The following KPNA1 variants were observed in gnomAD, a reference collection of about 807,000 sequenced individuals.
KPNA1 encodes karyopherin subunit alpha 1.
KPNA1 carries 10 observed loss-of-function variants against 70.5 expected under a neutral mutation model. The ratio of observed to expected loss-of-function variants is 0.14; its 90% CI spans 0.09 to 0.24. KPNA1 has a LOEUF of 0.24. Among genes scored for constraint, KPNA1 ranks in the 10% least tolerant of loss-of-function variants. The pLI is 1.00. For synonymous variants in KPNA1, 192 were observed against 221.9 expected, an observed-to-expected ratio of 0.87 and a Z score of 1.20; for missense variants, 397 against 637.9, an observed-to-expected ratio of 0.62 and a Z score of 4.07.
At chr3:122,474,334 G>A (rs2076474809) in intron 2 of KPNA1, among the ~76,000 whole-genome samples, 1 of 152,088 alleles carries the variant, frequency 6.6e-6, no homozygotes, top group African/African-American at 2.4e-5. Context: ...CTATCACCAA[G>A]ATGATTCTAA....
chr3:122,436,110 T>C (rs1172542819), intron 11 of KPNA1, among the ~76,000 whole-genome samples: 1 of 152,180 alleles, frequency 6.6e-6, no homozygotes, highest in Non-Finnish European at 1.5e-5. Context: ...AAATGGCCAC[T>C]CTGGGACTGT....
intron 1 of KPNA1, among the ~76,000 whole-genome samples, chr3:122,500,108 TG>T (rs1236569953): frequency 6.6e-6 from 1 of 151,954 alleles, no homozygotes; most frequent in East Asian, 1.9e-4. Context: ...GGGATACAAC[TG>T]TTTTTTTGTT....
intron 12 of KPNA1, among the ~76,000 whole-genome samples, chr3:122,428,476 A>G (rs2075853175): frequency 6.6e-6 from 1 of 152,210 alleles, no homozygotes; most frequent in African/African-American, 2.4e-5. Context: ...TCAAAAATAT[A>G]TAAAAATAAA....
intron 1 of KPNA1, among the ~76,000 whole-genome samples, chr3:122,511,220 C>A (rs576497615): frequency 6.6e-6 from 1 of 152,128 alleles, no homozygotes; most frequent in South Asian, 2.1e-4. Context: ...CTATTCTGAC[C>A]CCAAGCTGCC....
intron 2 of KPNA1, among the ~76,000 whole-genome samples, chr3:122,494,989 T>A (rs1441881259): frequency 6.6e-6 from 1 of 151,872 alleles, no homozygotes; most frequent in African/African-American, 2.4e-5. Context: ...GGAAAGGAAA[T>A]TCCTGTAATC....
intron 1 of KPNA1, among the ~76,000 whole-genome samples, chr3:122,506,038 T>C (rs2076886933): frequency 1.3e-5 from 2 of 152,220 alleles, no homozygotes; most frequent in Admixed American, 6.5e-5. Context: ...GCAAGATCCT[T>C]TTGTCTGGAT....
chr3:122,461,837 A>G (rs2076327649), intron 4 of KPNA1, among the ~76,000 whole-genome samples: 1 of 152,258 alleles, frequency 6.6e-6, no homozygotes, highest in Admixed American at 6.5e-5. Context: ...ATAATACAGT[A>G]TCCTATAAAT....
rs1175951303 is a variant in KPNA1, at chr3:122,425,504, T to TA, written c.*1480dup. 6.6e-6 allele frequency: 1 copy of TA among 152,634 alleles called. No homozygotes were observed. Among genetic ancestry groups the TA allele is most frequent in the Non-Finnish European group, 1.5e-5 (1 of 68,042 alleles). 9.5% of individuals were successfully genotyped at this position (152,634 alleles called of 1,614,324 possible). On this transcript the variant is annotated 3_prime_UTR_variant, in exon 14 of 14. Transcript: ENST00000344337. ...ACATCAACAAAAAAATCTTCTCTGG[T>TA]AGTGTATCCCAACATTGAGTCAAGA...
chr3:122,459,393 A>G, intron 5 of KPNA1: 1 of 982,888 alleles, frequency 1.0e-6, no homozygotes, highest in Non-Finnish European at 1.2e-6. Context: ...TCCCAGAGAC[A>G]GGAAAGAAAC....
intron 2 of KPNA1, among the ~76,000 whole-genome samples, chr3:122,482,089 C>T (rs1057202144): frequency 2.0e-5 from 3 of 152,234 alleles, no homozygotes; most frequent in Admixed American, 6.5e-5. Context: ...ATACATCACA[C>T]GACTTCATCA....
intron 2 of KPNA1, among the ~76,000 whole-genome samples, chr3:122,471,989 C>T (rs139975929): frequency 2.1e-3 from 317 of 152,276 alleles, no homozygotes; most frequent in African/African-American, 7.1e-3. Flanking sequence ...AATGAATTCA[C>T]TATTATAGTT....
At position 122,426,907 on chromosome 3, in the gene KPNA1, A is replaced by G; in HGVS notation, c.*78T>C. On this transcript the variant is annotated 3_prime_UTR_variant, in exon 14 of 14. Transcript: ENST00000344337. ...GGAAAACATTTGAGAAGTTAGCTCCATGAGGACTGTGGGCTCCACAAGAGG... is the reference window on the plus strand; with the variant it reads ...GGAAAACATTTGAGAAGTTAGCTCCGTGAGGACTGTGGGCTCCACAAGAGG... 8 of 1,153,588 alleles carry G rather than the reference A, an allele frequency of 6.9e-6. No homozygotes were observed. Among genetic ancestry groups the G allele is most frequent in the African/African-American group, 1.5e-5 (1 of 64,888 alleles). 71.5% of individuals were successfully genotyped at this position (1,153,588 alleles called of 1,614,324 possible).
At position 122,427,619 on chromosome 3, in the gene KPNA1, T is replaced by C; in HGVS notation, c.1348A>G (p.Ile450Val). The C allele has an allele frequency of 6.2e-7, 1 of 1,614,174 alleles. No individual in the cohort carries two copies. Among genetic ancestry groups the C allele is most frequent in the Non-Finnish European group, 8.5e-7 (1 of 1,180,012 alleles). The change falls in exon 13 of 14, where the codon ATC becomes GTC. Residue 450 changes from isoleucine to valine, a missense_variant. Physicochemically the swap from Ile to Val is conservative, Grantham distance 29. Transcript: ENST00000344337. ...GCTTCCTGTTCTCCAAGCCTCAGGA[T>C]ATTTTCCAAGCCATTTAGGGCAACC... ...VQVALNGLEN[I>V]LRLGEQEAKR...
At chr3:122,464,519 T>G (rs2076359636) in intron 3 of KPNA1, among the ~76,000 whole-genome samples, 1 of 152,222 alleles carries the variant, frequency 6.6e-6, no homozygotes, top group Non-Finnish European at 1.5e-5. Context: ...AGACCCTGTC[T>G]GTCTTACTCT....
chr3:122,499,641 TC>T (rs1299874649), intron 1 of KPNA1, among the ~76,000 whole-genome samples: 1 of 151,942 alleles, frequency 6.6e-6, no homozygotes, highest in African/African-American at 2.4e-5. Context: ...CACCTGTAGT[TC>T]CAGGTACTCA....
At chr3:122,497,168 C>A (rs2076772961) in intron 1 of KPNA1, among the ~76,000 whole-genome samples, 2 of 152,192 alleles carry the variant, frequency 1.3e-5, no homozygotes, top group Admixed American at 1.3e-4. Context: ...TTCACATGAA[C>A]AGAACAGAAT....
At chr3:122,449,509 A>AT in intron 9 of KPNA1, 65 bp downstream of exon 9, 1 of 1,265,346 alleles carries the variant, frequency 7.9e-7, no homozygotes, top group East Asian at 2.4e-5. Flanking sequence ...ATATTTAAGT[A>AT]TTAGCAGCTA....
chr3:122,476,610 T>TA (rs767367115), intron 2 of KPNA1, among the ~76,000 whole-genome samples: 1 of 151,854 alleles, frequency 6.6e-6, no homozygotes, highest in Non-Finnish European at 1.5e-5. Context: ...GGAAAGAACT[T>TA]AGTCATTTCT....
chr3:122,459,406 T>A (rs904798283), intron 5 of KPNA1: 1 of 984,928 alleles, frequency 1.0e-6, no homozygotes, highest in Non-Finnish European at 1.2e-6. Flanking sequence ...AAAGAAACAC[T>A]TTTTTCAGCA....
Sources: gnomAD v4.1 joint callset for allele counts (sites outside exome capture counted in the v4.1 genomes callset) on GRCh38, gnomAD v4.1.1 for gene constraint, MANE v1.5 for transcripts, NCBI Gene and HGNC (gene_info 2026-07-23, HGNC 2026-07-21) for gene names.